Variants in NHSL2 observed in about 807,000 individuals in gnomAD.
NHSL2 encodes NHS-like protein 2.
Under a neutral mutation model 53.4 loss-of-function variants are expected in NHSL2, and 27 were observed. That is an observed-to-expected ratio of 0.51 (90% CI 0.37 to 0.70). NHSL2 has a LOEUF of 0.70. Among genes scored for constraint, NHSL2 ranks in the 30% least tolerant of loss-of-function variants. The pLI is 0.00. For missense variants in NHSL2, 892 were observed against 980.1 expected, an observed-to-expected ratio of 0.91 and a Z score of 1.20; for synonymous variants, 408 against 404.1, an observed-to-expected ratio of 1.01 and a Z score of -0.12.
At chrX:72,131,805 C>T (rs186715317) in intron 1 of NHSL2, 2,517 of 229,250 alleles carry the variant, frequency 0.011, 66 homozygotes, top group African/African-American at 0.072. Flanking sequence ...CCGGAGGCGC[C>T]AGGCGGAGGA....
chrX:72,140,907 T>C, intron 6 of NHSL2, 136 bp downstream of exon 6: 1 of 532,426 alleles, frequency 1.9e-6, no homozygotes, highest in Non-Finnish European at 3.0e-6. Context: ...CTTTGAGGGT[T>C]TGAGTTACTC....
chrX:72,143,485 G>A lies in NHSL2; in HGVS notation c.3589G>A (p.Glu1197Lys). 2 of 1,166,142 alleles carry A rather than the reference G, an allele frequency of 1.7e-6. No homozygotes were observed. Among genetic ancestry groups the A allele is most frequent in the Non-Finnish European group, 2.3e-6 (2 of 871,476 alleles). ...TCCAAGGTCTCGTCCCTCAGCAGCT[G>A]AACTTCTGAAGACCACTAACCCACT... ...ATPRSRPSAA[E>K]LLKTTNPLAR... Residue 1197 changes from glutamate (E) to lysine (K), a missense_variant, in exon 8 of 8, where the codon GAA (glutamate) becomes AAA (lysine). Glu to Lys is a moderately conservative substitution (Grantham distance 56). Transcript: ENST00000633930.
intron 1 of NHSL2, among the ~76,000 whole-genome samples, chrX:71,949,649 T>G (rs2041811008): frequency 1.8e-5 from 2 of 111,981 alleles, no homozygotes; most frequent in African/African-American, 6.5e-5. Flanking sequence ...TCCAGGCAAT[T>G]GCTGCCACAC....
chrX:71,957,210 C>T (rs779469192), intron 1 of NHSL2, among the ~76,000 whole-genome samples: 39 of 112,194 alleles, frequency 3.5e-4, no homozygotes, highest in African/African-American at 1.2e-3. Flanking sequence ...CTCATGTTTG[C>T]CCTGGGGTAC....
chrX:71,924,896 G>A (rs143957370), intron 1 of NHSL2, among the ~76,000 whole-genome samples: 2 of 112,299 alleles, frequency 1.8e-5, no homozygotes, highest in African/African-American at 6.5e-5. Context: ...AGCCTGTATG[G>A]GAAAAGGCTT....
intron 1 of NHSL2, among the ~76,000 whole-genome samples, chrX:72,096,567 T>G (rs1466845371): frequency 8.9e-6 from 1 of 112,445 alleles, no homozygotes; most frequent in Non-Finnish European, 1.9e-5. Context: ...AACGCAGAAT[T>G]CCTCTTAAAG....
intron 1 of NHSL2, among the ~76,000 whole-genome samples, chrX:71,942,947 G>GCTCTCTCT (rs767412870): frequency 1.4e-4 from 10 of 72,202 alleles, no homozygotes; most frequent in African/African-American, 3.4e-4. Context: ...GGGCTCTAAT[G>GCTCTCTCT]CTCTCTCTCT....
intron 1 of NHSL2, among the ~76,000 whole-genome samples, chrX:72,056,279 A>G: frequency 8.9e-6 from 1 of 112,144 alleles, no homozygotes; most frequent in Admixed American, 9.5e-5. Context: ...ATGTACAAAG[A>G]TGTGCATCAA....
At chrX:72,130,316 C>T in intron 1 of NHSL2, 1 of 1,149,283 alleles carries the variant, frequency 8.7e-7, no homozygotes, top group Admixed American at 2.2e-5. Flanking sequence ...TTCCTTATCT[C>T]CTCCTCCTCC....
At chrX:72,121,108 G>A (rs1201811529) in intron 1 of NHSL2, among the ~76,000 whole-genome samples, 5 of 112,389 alleles carry the variant, frequency 4.4e-5, no homozygotes, top group Non-Finnish European at 9.4e-5. Context: ...TGCTGTTTGG[G>A]CCATATGTCT....
chrX:71,970,401 C>G (rs1052705058), intron 1 of NHSL2, among the ~76,000 whole-genome samples: 2 of 111,551 alleles, frequency 1.8e-5, no homozygotes, highest in Non-Finnish European at 3.8e-5. Flanking sequence ...TTAATTCAGT[C>G]TCTTTGTTTG....
intron 1 of NHSL2, among the ~76,000 whole-genome samples, chrX:72,082,039 C>T (rs2041797170): frequency 8.9e-6 from 1 of 112,140 alleles, no homozygotes; most frequent in African/African-American, 3.2e-5. Context: ...CTTCCCCTGT[C>T]TCTAGGTGAA....
chrX:71,939,002 ATAT>A (rs2041752983), intron 1 of NHSL2, among the ~76,000 whole-genome samples: 1 of 112,629 alleles, frequency 8.9e-6, no homozygotes, highest in Non-Finnish European at 1.9e-5. Flanking sequence ...GATTAAACAA[ATAT>A]TATAGGGCAT....
At position 72,147,512 on chromosome X, in the gene NHSL2, A is replaced by G. The variant is rs2042473406; in HGVS notation, c.*3938A>G. 1 of 112,475 alleles carries G rather than the reference A, an allele frequency of 8.9e-6. No homozygotes were observed. Among genetic ancestry groups the G allele is most frequent in the Non-Finnish European group, 1.9e-5 (1 of 53,297 alleles). 9.3% of individuals were successfully genotyped at this position (112,475 alleles called of 1,213,427 possible). ...TTGCTACCTATTTTTCCATTGCTAT[A>G]AGTCTTTGTGTGCCTATACATTAAA... On this transcript the variant is annotated 3_prime_UTR_variant, in exon 8 of 8. Coordinates refer to ENST00000633930, the MANE Select transcript of NHSL2 (RefSeq NM_001013627.3).
chrX:72,028,957 T>C (rs896379251), intron 1 of NHSL2, among the ~76,000 whole-genome samples: 2 of 112,230 alleles, frequency 1.8e-5, no homozygotes, highest in African/African-American at 6.5e-5. Context: ...TAAGTTGTCA[T>C]AACTTGGGCA....
intron 1 of NHSL2, chrX:72,127,578 G>A (rs2042238567): frequency 9.0e-6 from 1 of 110,901 alleles, no homozygotes; most frequent in Admixed American, 9.6e-5. Flanking sequence ...TTCTCCACAG[G>A]GACATGGGGC....
intron 1 of NHSL2, among the ~76,000 whole-genome samples, chrX:72,093,721 GCTTTCTTTCTTTCTTTCTTTCTTT>G (rs545225009): frequency 7.0e-4 from 67 of 95,340 alleles, no homozygotes; most frequent in Non-Finnish European, 1.2e-3. Context: ...TAGCTTGCTT[GCTTTCTTTCTTTCTTTCTTTCTTT>G]CTTTCTTTCT....
Position 71,955,955 on chromosome X carries a change from G to A in NHSL2, c.280+44588G>A, listed in dbSNP as rs138064289. 2.2e-3 allele frequency among the ~76,000 whole-genome samples: 248 copies of A among 111,267 alleles called. 2 individuals carry two copies. The highest frequency in any genetic ancestry group is 2.5e-3 in the Non-Finnish European group (135 of 53,053). On this transcript the variant is annotated intron_variant, in intron 1 of 7. Coordinates refer to ENST00000633930, the MANE Select transcript of NHSL2 (RefSeq NM_001013627.3). The stretch of plus-strand genomic sequence containing the variant: ...CAGGACAGCCTGAGGAACTTGCCTC[G>A]TGGGCCTCACGCTCTGTAGCAACTC...
At chrX:71,983,657 G>A (rs1355486490) in intron 1 of NHSL2, among the ~76,000 whole-genome samples, 2 of 110,539 alleles carry the variant, frequency 1.8e-5, no homozygotes, top group Non-Finnish European at 3.8e-5. Flanking sequence ...AATGAGAAAG[G>A]AACTACCCAG....
Sources: allele counts gnomAD v4.1 joint callset (sites outside exome capture counted in the v4.1 genomes callset), GRCh38; gene constraint gnomAD v4.1.1; transcripts MANE v1.5; gene names NCBI Gene and HGNC (gene_info 2026-07-23, HGNC 2026-07-21).